The following CEP68 variants were observed in gnomAD, a reference collection of about 807,000 sequenced individuals.
The protein encoded by CEP68 is centrosomal protein of 68 kDa.
A neutral mutation model predicts 55.3 loss-of-function variants in CEP68; 26 were observed. That is an observed-to-expected ratio of 0.47 (90% CI 0.34 to 0.65). The LOEUF (loss-of-function observed/expected upper bound fraction) is 0.65, where lower values mean the gene tolerates loss of function less well. Ranked by LOEUF, CEP68 falls within the 30% of genes least tolerant of loss-of-function variation. CEP68 has a pLI of 0.01. For synonymous variants in CEP68, 402 were observed against 383.2 expected, an observed-to-expected ratio of 1.05 and a Z score of -0.57; for missense variants, 957 against 946.7, an observed-to-expected ratio of 1.01 and a Z score of -0.14.
intron 1 of CEP68, among the ~76,000 whole-genome samples, chr2:65,065,481 C>G (rs183150651): frequency 1.9e-3 from 288 of 152,320 alleles, no homozygotes; most frequent in Non-Finnish European, 3.0e-3. Flanking sequence ...GAAACCGTGA[C>G]TCTGCCACTT....
rs780873466 is a variant in CEP68, at chr2:65,072,393, A to G, written c.1297A>G (p.Met433Val). 5.0e-6 allele frequency: 8 copies of G among 1,613,802 alleles called. No individual in the cohort carries two copies. The highest frequency in any genetic ancestry group is 1.6e-4 in the Middle Eastern group (1 of 6,084). The change falls in exon 3 of 7, where the codon ATG becomes GTG. Residue 433 changes from methionine to valine, a missense_variant. Coordinates refer to ENST00000377990, the MANE Select transcript of CEP68 (RefSeq NM_015147.3). Reference protein sequence around the residue: ...DRLTIGKHLDMGSPQLRTRDR... With the variant: ...DRLTIGKHLDVGSPQLRTRDR... Reference sequence around the variant, plus strand: ...GCTGACTATAGGCAAGCACCTTGATATGGGCTCTCCCCAGCTAAGGACACG... The same window carrying G: ...GCTGACTATAGGCAAGCACCTTGATGTGGGCTCTCCCCAGCTAAGGACACG...
At chr2:65,077,783 T>C in intron 4 of CEP68, 85 bp from the exon 5 acceptor site, 1 of 979,370 alleles carries the variant, frequency 1.0e-6, no homozygotes, top group East Asian at 2.5e-5. Context: ...GAATAAGGCT[T>C]CCCTACATGC....
At chr2:65,078,106 C>G (rs1676845896) in intron 5 of CEP68, 142 bp downstream of exon 5, 3 of 582,366 alleles carry the variant, frequency 5.2e-6, no homozygotes, top group Non-Finnish European at 9.1e-6. Context: ...CATGCCCCAT[C>G]TGCCAGCTCC....
At chr2:65,069,262 C>T (rs1676342548) in intron 1 of CEP68, 137 bp from the exon 2 acceptor site, 3 of 529,050 alleles carry the variant, frequency 5.7e-6, no homozygotes, top group Non-Finnish European at 1.0e-5. Context: ...ACTCGGTGCT[C>T]CTCTGAGGAA....
intron 6 of CEP68, among the ~76,000 whole-genome samples, 179 bp downstream of exon 6, chr2:65,082,888 C>T (rs1668897420): frequency 2.0e-5 from 3 of 152,174 alleles, no homozygotes; most frequent in South Asian, 4.1e-4. Flanking sequence ...AGGCTCACTG[C>T]GGTGCTTTCC....
Position 65,072,832 on chromosome 2 carries a change from C to T in CEP68, c.1736C>T (p.Ala579Val). Residue 579 changes from alanine (A) to valine (V), a missense_variant, in exon 3 of 7, where the codon GCC becomes GTC. Ala to Val is a moderately conservative substitution (Grantham distance 64). Transcript: ENST00000377990. ...GAAGGCAGTCTGGGGAGCAGCCAGG[C>T]CCTCGGGGTCTCCTCTGGACTGCTG... ...AGEGSLGSSQ[A>V]LGVSSGLLKT... The T allele has an allele frequency of 6.2e-7, 1 of 1,614,200 alleles. No homozygotes were observed.
At chr2:65,063,922 A>T (rs1300748201) in intron 1 of CEP68, among the ~76,000 whole-genome samples, 1 of 152,116 alleles carries the variant, frequency 6.6e-6, no homozygotes, top group Non-Finnish European at 1.5e-5. Context: ...TGCATTATAG[A>T]TTGGTTTTTA....
intron 1 of CEP68, among the ~76,000 whole-genome samples, chr2:65,060,189 A>G (rs1486217283): frequency 6.6e-6 from 1 of 152,004 alleles, no homozygotes; most frequent in African/African-American, 2.4e-5. Flanking sequence ...GAGATTGTGT[A>G]TTTGGCCCTG....
At chr2:65,068,152 C>T (rs1676286095) in intron 1 of CEP68, among the ~76,000 whole-genome samples, 1 of 152,176 alleles carries the variant, frequency 6.6e-6, no homozygotes, top group African/African-American at 2.4e-5. Flanking sequence ...ACATCCTGGG[C>T]ATTCACGGTT....
intron 1 of CEP68, among the ~76,000 whole-genome samples, chr2:65,056,991 A>G (rs1022045797): frequency 1.3e-5 from 2 of 152,216 alleles, no homozygotes; most frequent in African/African-American, 2.4e-5. Flanking sequence ...TCCCCCTGGA[A>G]AGATGGAGAC....
In CEP68 at chr2:65,082,593, C is replaced by G; in HGVS notation, c.2162C>G (p.Ala721Gly). The G allele has an allele frequency of 6.2e-7, 1 of 1,609,284 alleles. No homozygotes were observed. The change falls in exon 6 of 7, where the codon GCA becomes GGA. Residue 721 changes from alanine (A) to glycine (G), a missense_variant. Transcript: ENST00000377990. ...CAGTCTGGTGAGCTGGAGAGCCACG[C>G]AGATCGCCTGTATGACTCTATCTTG... ...AKQSGELESH[A>G]DRLYDSILAS...
rs1476260522 is a variant in CEP68, at chr2:65,071,504, C to A, written c.408C>A (p.Ser136Arg). The A allele has an allele frequency of 6.2e-7, 1 of 1,612,252 alleles. No homozygotes were observed. Among genetic ancestry groups the A allele is most frequent in the Admixed American group, 1.7e-5 (1 of 59,866 alleles). Residue 136 changes from serine to arginine, a missense_variant, in exon 3 of 7, where the codon AGC becomes AGA. Transcript: ENST00000377990. ...CCGAGGAGTTCCCTCAGACTCTGAGCCTTCCCAGAACAACAACTATTTGCT... is the reference window on the plus strand; with the variant it reads ...CCGAGGAGTTCCCTCAGACTCTGAGACTTCCCAGAACAACAACTATTTGCT... ...SSSEEFPQTL[S>R]LPRTTTICSG...
At position 65,072,165 on chromosome 2, in the gene CEP68, T is replaced by A; in HGVS notation, c.1069T>A (p.Cys357Ser). Residue 357 changes from cysteine to serine, a missense_variant, in exon 3 of 7, where the codon TGC becomes AGC. Transcript: ENST00000377990. Reference sequence around the variant, plus strand: ...ATCACCTACTAATGTCTCCCCCAACTGCCCACCAGCAGAGGCCACTGCCCT... The same window carrying A: ...ATCACCTACTAATGTCTCCCCCAACAGCCCACCAGCAGAGGCCACTGCCCT... ...LKSPTNVSPNCPPAEATALPF... is the reference protein window; with the variant it reads ...LKSPTNVSPNSPPAEATALPF... 6.2e-7 allele frequency: 1 copy of A among 1,612,490 alleles called. No individual in the cohort carries two copies.
intron 5 of CEP68, among the ~76,000 whole-genome samples, chr2:65,081,527 G>T (rs1677016750): frequency 6.6e-6 from 1 of 152,146 alleles, no homozygotes; most frequent in Admixed American, 6.5e-5. Flanking sequence ...TAAAGGTGCA[G>T]GAAACTAAGA....
intron 5 of CEP68, among the ~76,000 whole-genome samples, chr2:65,079,923 C>T (rs529192864): frequency 3.9e-5 from 6 of 152,266 alleles, no homozygotes; most frequent in African/African-American, 1.4e-4. Context: ...CACCTGAGAT[C>T]GGGAGTTTGA....
chr2:65,075,797 T>C (rs1676731357), intron 4 of CEP68, among the ~76,000 whole-genome samples: 1 of 152,176 alleles, frequency 6.6e-6, no homozygotes, highest in Non-Finnish European at 1.5e-5. Flanking sequence ...AAAACAATTC[T>C]TTGAATTCCT....
At chr2:65,077,775 A>G (rs1676831431) in intron 4 of CEP68, 93 bp from the exon 5 acceptor site, 3 of 891,698 alleles carry the variant, frequency 3.4e-6, no homozygotes, top group East Asian at 2.6e-5. Context: ...TTAGAGGGGA[A>G]TAAGGCTTCC....
Position 65,072,731 on chromosome 2 carries a change from C to A in CEP68, c.1635C>A (p.Leu545=). The A allele has an allele frequency of 6.2e-7, 1 of 1,614,140 alleles. No homozygotes were observed. Among genetic ancestry groups the A allele is most frequent in the East Asian group, 2.2e-5 (1 of 44,874 alleles). The change falls in exon 3 of 7, where the codon CTC becomes CTA. Residue 545 remains leucine (L), a synonymous_variant. Coordinates refer to ENST00000377990, the MANE Select transcript of CEP68 (RefSeq NM_015147.3). The part of the protein sequence containing the change: ...SQSQLPPGAA[L]QGSGDPEGQN... Reference sequence around the variant, plus strand: ...GCCAGCTTCCCCCTGGAGCTGCCCTCCAAGGATCTGGGGATCCTGAGGGCC... The same window carrying A: ...GCCAGCTTCCCCCTGGAGCTGCCCTACAAGGATCTGGGGATCCTGAGGGCC...
intron 5 of CEP68, among the ~76,000 whole-genome samples, chr2:65,081,159 C>T (rs1210163180): frequency 2.0e-5 from 3 of 150,722 alleles, no homozygotes; most frequent in East Asian, 2.0e-4. Flanking sequence ...TTTAGTGAGC[C>T]GAGATTTGTG....
Sources: allele counts gnomAD v4.1 joint callset (sites outside exome capture counted in the v4.1 genomes callset), GRCh38; gene constraint gnomAD v4.1.1; transcripts MANE v1.5; gene names NCBI Gene and HGNC (gene_info 2026-07-23, HGNC 2026-07-21).